DCAF1: variants seen among roughly 807,000 people sequenced by gnomAD.
The protein encoded by DCAF1 is DDB1 and CUL4 associated factor 1.
In DCAF1, 15 loss-of-function variants were observed where a neutral mutation model predicts 128.0. The ratio of observed to expected loss-of-function variants is 0.12; its 90% CI spans 0.08 to 0.18. The LOEUF (loss-of-function observed/expected upper bound fraction) is 0.18. Ranked by LOEUF, DCAF1 falls within the 10% of genes least tolerant of loss-of-function variation. The pLI, the probability that DCAF1 is intolerant of heterozygous loss-of-function variation, is 1.00. For missense variants in DCAF1, 988 were observed against 1,649.5 expected, an observed-to-expected ratio of 0.60 and a Z score of 6.95; for synonymous variants, 610 against 603.0, an observed-to-expected ratio of 1.01 and a Z score of -0.17.
chr3:51,502,726 G>T (rs1204455309), upstream of DCAF1, among the ~76,000 whole-genome samples: 3 of 151,898 alleles, frequency 2.0e-5, no homozygotes, highest in South Asian at 6.2e-4. Flanking sequence ...ACGCCCTCAG[G>T]AATCTGCACT....
chr3:51,411,171 A>G (rs573046035), intron 23 of DCAF1, among the ~76,000 whole-genome samples: 1 of 151,918 alleles, frequency 6.6e-6, no homozygotes, highest in Non-Finnish European at 1.5e-5. Context: ...CAGAAAAAAA[A>G]AAAAAAAAAA....
chr3:51,490,706 CCT>C (rs1553657586), intron 2 of DCAF1, among the ~76,000 whole-genome samples: 7 of 152,142 alleles, frequency 4.6e-5, no homozygotes, highest in African/African-American at 1.7e-4. Flanking sequence ...GGGTGGATCA[CCT>C]GAGTTCAAGA....
intron 3 of DCAF1, among the ~76,000 whole-genome samples, chr3:51,478,028 G>A (rs1705694888): frequency 6.6e-6 from 1 of 152,046 alleles, no homozygotes; most frequent in Non-Finnish European, 1.5e-5. Context: ...TTGTTGTTGA[G>A]ACAGAGTCTC....
chr3:51,417,502 C>G (rs1698986671), intron 17 of DCAF1, among the ~76,000 whole-genome samples: 1 of 151,508 alleles, frequency 6.6e-6, no homozygotes, highest in Non-Finnish European at 1.5e-5. Flanking sequence ...CAGCGGATCA[C>G]AAGGTCAGGA....
At chr3:51,430,458 A>T (rs189705682) in intron 10 of DCAF1, among the ~76,000 whole-genome samples, 38 of 152,334 alleles carry the variant, frequency 2.5e-4, no homozygotes, top group South Asian at 1.9e-3. Context: ...AGTGCCAACA[A>T]ATATTTACAT....
rs985481547 is a variant in DCAF1, at chr3:51,413,158, A to G, written c.4037-92T>C. The G allele has an allele frequency of 5.1e-6, 8 of 1,570,454 alleles. No individual in the cohort carries two copies. The African/African-American group carries it at 9.5e-5, about 19-fold the overall frequency. ...CTAAAGGAATTCAGGATGATTGCTC[A>G]AAAGTATTTCCATAACTTCTCTGTT... On this transcript the variant is annotated intron_variant, in intron 21 of 24. Transcript: ENST00000684031.
chr3:51,438,680 C>A (rs1553637773), intron 9 of DCAF1, among the ~76,000 whole-genome samples: 1 of 152,222 alleles, frequency 6.6e-6, no homozygotes, highest in Non-Finnish European at 1.5e-5. Context: ...GGCACGATCT[C>A]AGCTCACTGC....
upstream of DCAF1, among the ~76,000 whole-genome samples, chr3:51,501,878 C>G (rs936985230): frequency 2.0e-5 from 3 of 152,104 alleles, no homozygotes; most frequent in Non-Finnish European, 2.9e-5. Context: ...AGTGTTCCAG[C>G]CACACTCTCT....
Position 51,487,024 on chromosome 3 carries a change from G to A in DCAF1, c.-8-3188C>T, listed in dbSNP as rs533594888. Among the ~76,000 whole-genome samples the A allele has an allele frequency of 1.9e-4, 28 of 151,216 alleles. No individual in the cohort carries two copies. In the South Asian group the frequency reaches 5.0e-3, roughly 27 times the overall value. Reference sequence around the variant, plus strand: ...CACTCTGTCGCCAGGCTGGAGTGCAGTGGCACAATCTCAGCTCACTATAAC... The same window carrying A: ...CACTCTGTCGCCAGGCTGGAGTGCAATGGCACAATCTCAGCTCACTATAAC... On this transcript the variant is annotated intron_variant, in intron 2 of 24. Transcript: ENST00000684031.
chr3:51,436,487 T>G, intron 9 of DCAF1: 2 of 510,450 alleles, frequency 3.9e-6, no homozygotes, highest in East Asian at 1.1e-4. Flanking sequence ...TTTTCTTTCT[T>G]GCTAGTAATT....
intron 4 of DCAF1, among the ~76,000 whole-genome samples, chr3:51,467,460 G>A (rs569168941): frequency 6.6e-6 from 1 of 151,970 alleles, no homozygotes; most frequent in Non-Finnish European, 1.5e-5. Context: ...GAGAACACTC[G>A]GACACAGGAA....
intron 2 of DCAF1, among the ~76,000 whole-genome samples, chr3:51,487,627 G>C (rs1216920714): frequency 6.6e-6 from 1 of 151,996 alleles, no homozygotes. Context: ...CAGGCTGGTA[G>C]AATGTGGCAA....
intron 12 of DCAF1, among the ~76,000 whole-genome samples, chr3:51,427,778 A>G (rs1700030019): frequency 6.6e-6 from 1 of 151,950 alleles, no homozygotes; most frequent in Non-Finnish European, 1.5e-5. Context: ...AACCACAGGC[A>G]CATGCCACCA....
chr3:51,448,906 T>C (rs1702114298), intron 6 of DCAF1, among the ~76,000 whole-genome samples: 1 of 151,978 alleles, frequency 6.6e-6, no homozygotes, highest in Admixed American at 6.6e-5. Context: ...ACTTTTTCCA[T>C]GTTCTTTTAT....
At chr3:51,422,457 G>A in intron 13 of DCAF1, 26 bp from the exon 14 acceptor site, 1 of 717,956 alleles carries the variant, frequency 1.4e-6, no homozygotes, top group Non-Finnish European at 2.6e-6. Flanking sequence ...TAGTCAAAGG[G>A]AAATTAGAGT....
At chr3:51,418,613 T>C in intron 16 of DCAF1, 65 bp downstream of exon 16, 2 of 1,543,302 alleles carry the variant, frequency 1.3e-6, no homozygotes, top group South Asian at 1.3e-5. Context: ...GTAAGCCTCC[T>C]TTACTCTAGT....
chr3:51,414,026 A>G lies in DCAF1; in HGVS notation c.3855T>C (p.Phe1285=), dbSNP rs1553629514. The G allele has an allele frequency of 4.4e-6, 7 of 1,604,258 alleles. 1 individual carries two copies. The highest frequency in any genetic ancestry group is 1.7e-4 in the Middle Eastern group (1 of 6,050). ...INTEIWDLRT[F]HLLHTVPALD... is the part of the protein sequence containing the mutation. ...GAGCGGGAACAGTATGCAAAAGATG[A>G]AAAGTTCGAAGGTCCCACTAGGAGG... Residue 1285 remains phenylalanine, a synonymous_variant, in exon 20 of 25, where the codon TTT becomes TTC. Transcript: ENST00000684031.
intron 2 of DCAF1, among the ~76,000 whole-genome samples, chr3:51,485,126 G>T (rs868979102): frequency 6.6e-6 from 1 of 152,036 alleles, no homozygotes; most frequent in South Asian, 2.1e-4. Context: ...TGTTGGTCAG[G>T]CTGATCTCGA....
chr3:51,463,696 T>G (rs2108073752), intron 5 of DCAF1, among the ~76,000 whole-genome samples: 1 of 152,082 alleles, frequency 6.6e-6, no homozygotes, highest in East Asian at 1.9e-4. Context: ...GGTGGGAGGA[T>G]GCCCAGAGCC....
Sources: allele counts gnomAD v4.1 joint callset (sites outside exome capture counted in the v4.1 genomes callset), GRCh38; gene constraint gnomAD v4.1.1; transcripts MANE v1.5; gene names NCBI Gene and HGNC (gene_info 2026-07-23, HGNC 2026-07-21).